Variants in CUX1 observed in about 807,000 individuals in gnomAD.
The protein encoded by CUX1 is protein CASP.
Under a neutral mutation model 158.8 loss-of-function variants are expected in CUX1, and 31 were observed. The observed-to-expected ratio is 0.20, with a 90% CI of 0.15 to 0.26. The LOEUF (loss-of-function observed/expected upper bound fraction) is 0.26. Ranked by LOEUF, CUX1 falls within the 10% of genes least tolerant of loss-of-function variation. CUX1 has a pLI of 1.00. For synonymous variants in CUX1, 879 were observed against 862.1 expected (o/e 1.02, Z -0.34); for missense variants, 1,589 against 2,014.6 (o/e 0.79, Z 4.04).
At chr7:102,001,800 T>G (rs1816726015) in intron 2 of CUX1, among the ~76,000 whole-genome samples, 1 of 152,202 alleles carries the variant, frequency 6.6e-6, no homozygotes, top group African/African-American at 2.4e-5. Context: ...CACTCCTTCC[T>G]TCTGGACACA....
At chr7:101,818,729 T>A (rs1792157709) in intron 1 of CUX1, among the ~76,000 whole-genome samples, 1 of 152,216 alleles carries the variant, frequency 6.6e-6, no homozygotes, top group Non-Finnish European at 1.5e-5. Context: ...ATACGGAATG[T>A]CAAAGTTCAA....
At position 102,043,544 on chromosome 7, in the gene CUX1, C is replaced by T. The variant is rs548712709; in HGVS notation, c.189+15399C>T. On this transcript the variant is annotated intron_variant, in intron 3 of 23. Transcript: ENST00000292535. ...TTGAGTATGTGCAGATTTTGGTACA[C>T]GCAGGGGGTCCTAGCACCAATCTCC... Among the ~76,000 whole-genome samples, 48 of 152,106 alleles carry T rather than the reference C, an allele frequency of 3.2e-4. 1 individual carries two copies. Among genetic ancestry groups the T allele is most frequent in the African/African-American group, 1.0e-3 (43 of 41,496 alleles).
chr7:102,063,383 C>CTTTTTTTTTTT (rs11368644), intron 3 of CUX1, among the ~76,000 whole-genome samples: 2 of 89,270 alleles, frequency 2.2e-5, no homozygotes. Flanking sequence ...ATTTCCTTTT[C>CTTTTTTTTTTT]TTTTTTTTTT....
intron 1 of CUX1, among the ~76,000 whole-genome samples, chr7:101,895,911 T>TG (rs1444885787): frequency 9.0e-6 from 1 of 110,826 alleles, no homozygotes; most frequent in East Asian, 5.8e-4. Flanking sequence ...TGTTTTTGTT[T>TG]TTTTTTTTTT....
At chr7:102,198,690 C>G in intron 15 of CUX1, 112 bp from the exon 16 acceptor site, 1 of 932,076 alleles carries the variant, frequency 1.1e-6, no homozygotes, top group Non-Finnish European at 1.7e-6. Flanking sequence ...ACAGGCAGCC[C>G]TGAGCCCTTT....
At chr7:101,933,133 G>A (rs1030708096) in intron 2 of CUX1, among the ~76,000 whole-genome samples, 3 of 152,148 alleles carry the variant, frequency 2.0e-5, no homozygotes, top group Non-Finnish European at 4.4e-5. Flanking sequence ...CACATGTAGT[G>A]TTGAGGAATA....
intron 2 of CUX1, among the ~76,000 whole-genome samples, chr7:101,963,514 G>A (rs1227852532): frequency 6.6e-6 from 1 of 152,182 alleles, no homozygotes; most frequent in African/African-American, 2.4e-5. Flanking sequence ...TGGTTAGTAG[G>A]GTGGGAAGTG....
At chr7:102,134,677 A>G (rs1833697253) in intron 8 of CUX1, among the ~76,000 whole-genome samples, 2 of 152,196 alleles carry the variant, frequency 1.3e-5, no homozygotes, top group African/African-American at 4.8e-5. Flanking sequence ...GACTCACTGC[A>G]GCCCTGACCT....
intron 2 of CUX1, among the ~76,000 whole-genome samples, chr7:102,003,332 A>ACG (rs1554448392): frequency 5.5e-5 from 8 of 145,696 alleles, no homozygotes; most frequent in African/African-American, 2.2e-4. Flanking sequence ...ACACACACAC[A>ACG]CACGCCCGCC....
At chr7:101,990,314 A>G (rs1486627964) in intron 2 of CUX1, among the ~76,000 whole-genome samples, 2 of 152,112 alleles carry the variant, frequency 1.3e-5, no homozygotes, top group Non-Finnish European at 2.9e-5. Context: ...GTGAGCTATG[A>G]TTGTGCCACT....
chr7:102,150,916 G>A (rs536857932), intron 8 of CUX1, among the ~76,000 whole-genome samples: 1 of 152,300 alleles, frequency 6.6e-6, no homozygotes, highest in African/African-American at 2.4e-5. Context: ...AAAAACGTGA[G>A]AGATCTAAAT....
chr7:102,196,853 A>G lies in CUX1; in HGVS notation c.1442A>G (p.Asn481Ser). 1 of 1,613,756 alleles carries G rather than the reference A, an allele frequency of 6.2e-7. No individual in the cohort carries two copies. The highest frequency in any genetic ancestry group is 8.5e-7 in the Non-Finnish European group (1 of 1,179,946). ...GCTTCTACAGGAAAATTTGCACTAAACTCTCTTCTCCAGCGGCAGCTAATG... is the reference window on the plus strand; with the variant it reads ...GCTTCTACAGGAAAATTTGCACTAAGCTCTCTTCTCCAGCGGCAGCTAATG... ...PLASTGKFAL[N>S]SLLQRQLMQS... Residue 481 changes from asparagine to serine, a missense_variant, in exon 15 of 24, where the codon AAC becomes AGC. This residue lies in a region of CUX1 where 515 missense variants were observed against 574.4 expected (regional missense o/e 0.90). Coordinates refer to ENST00000292535, the MANE Select transcript of CUX1 (RefSeq NM_181552.4).
intron 11 of CUX1, among the ~76,000 whole-genome samples, chr7:102,185,086 A>T (rs924971871): frequency 6.6e-6 from 1 of 152,100 alleles, no homozygotes; most frequent in Admixed American, 6.6e-5. Context: ...AATAGCGGGG[A>T]CCCTGGGAGG....
At chr7:102,008,437 CT>C (rs1044099186) in intron 2 of CUX1, among the ~76,000 whole-genome samples, 3 of 152,030 alleles carry the variant, frequency 2.0e-5, no homozygotes, top group African/African-American at 7.2e-5. Context: ...ATTTTCATTC[CT>C]TGGGCCCCCG....
intron 2 of CUX1, among the ~76,000 whole-genome samples, chr7:102,006,555 C>T (rs1269400989): frequency 6.6e-6 from 1 of 152,132 alleles, no homozygotes; most frequent in Non-Finnish European, 1.5e-5. Context: ...CGCCACCACA[C>T]CTGGCTAATT....
At chr7:101,991,740 CAG>C (rs1815162878) in intron 2 of CUX1, among the ~76,000 whole-genome samples, 2 of 134,554 alleles carry the variant, frequency 1.5e-5, no homozygotes, top group South Asian at 4.8e-4. Context: ...GCCTGGGGAA[CAG>C]AGTGAGACTT....
chr7:102,103,723 CTG>C (rs1436738109), intron 5 of CUX1, among the ~76,000 whole-genome samples: 2 of 151,698 alleles, frequency 1.3e-5, no homozygotes, highest in African/African-American at 4.8e-5. Flanking sequence ...ATGTGAGCCA[CTG>C]TGCTTGGCCT....
Position 102,201,425 on chromosome 7 carries a change from C to T in CUX1, c.2128C>T (p.Leu710=), listed in dbSNP as rs1434496975. The part of the protein sequence containing the change: ...GNSDDAIRSI[L]QQARREMEAQ... ...CTCTGATGACGCCATCCGCTCCATCCTGCAGCAAGCCCGCCGGGAGATGGA... is the reference window on the plus strand; with the variant it reads ...CTCTGATGACGCCATCCGCTCCATCTTGCAGCAAGCCCGCCGGGAGATGGA... Residue 710 remains leucine (L), a synonymous_variant, in exon 18 of 24, where the codon CTG becomes TTG. Transcript: ENST00000292535. The surrounding 1 kb of genome is among the most constrained non-coding windows in gnomAD (Gnocchi z 5.0). 1.2e-6 allele frequency: 2 copies of T among 1,614,008 alleles called. No individual in the cohort carries two copies. The highest frequency in any genetic ancestry group is 1.3e-5 in the African/African-American group (1 of 74,928).
In CUX1 at chr7:102,117,397, C is replaced by CAAAAAAAA. The variant is rs10633602; in HGVS notation, c.674+2139_674+2146dup. Reference sequence around the variant, plus strand: ...TGGGCTACAGAGCCAGACTCCATCGCAAAAAAAAAAAAAAAAAAAAAAGGT... The same window carrying CAAAAAAAA: ...TGGGCTACAGAGCCAGACTCCATCGCAAAAAAAAAAAAAAAAAAAAAAAAAAAAAAGGT... On this transcript the variant is annotated intron_variant, in intron 8 of 23. Coordinates refer to ENST00000292535, the MANE Select transcript of CUX1 (RefSeq NM_181552.4). Among the ~76,000 whole-genome samples the CAAAAAAAA allele has an allele frequency of 3.2e-3, 150 of 46,622 alleles. 12 individuals carry two copies. The highest frequency in any genetic ancestry group is 0.02 in the South Asian group (15 of 758). 30.6% of individuals were successfully genotyped at this position (46,622 alleles called of 152,430 possible).
Sources: gnomAD v4.1 joint callset for allele counts (sites outside exome capture counted in the v4.1 genomes callset) on GRCh38, gnomAD v4.1.1 for gene constraint, gnomAD v4.1.1 regional missense constraint, Gnocchi (gnomAD v3.1) non-coding constraint, MANE v1.5 for transcripts, NCBI Gene and HGNC (gene_info 2026-07-23, HGNC 2026-07-21) for gene names.